Variants in USP37 observed in about 807,000 individuals in gnomAD.
USP37 encodes ubiquitin carboxyl-terminal hydrolase 37.
A neutral mutation model predicts 124.0 loss-of-function variants in USP37; 27 were observed. The observed-to-expected ratio is 0.22, with a 90% CI of 0.16 to 0.30. The LOEUF (loss-of-function observed/expected upper bound fraction) is 0.30, where lower values mean the gene tolerates loss of function less well. Among genes scored for constraint, USP37 ranks in the 10% least tolerant of loss-of-function variants. The pLI, the probability that USP37 is intolerant of heterozygous loss-of-function variation, is 1.00. For synonymous variants in USP37, 365 were observed against 388.0 expected, an observed-to-expected ratio of 0.94 and a Z score of 0.70; for missense variants, 889 against 1,140.4, an observed-to-expected ratio of 0.78 and a Z score of 3.17.
chr2:218,457,141 C>T lies in USP37; in HGVS notation c.2664G>A (p.Ser888=), dbSNP rs981867258. 1.9e-6 allele frequency: 3 copies of T among 1,613,764 alleles called. No homozygotes were observed. Among genetic ancestry groups the T allele is most frequent in the Admixed American group, 3.3e-5 (2 of 59,972 alleles). ...RNAETGNLPH[S]YRLISVVSHI... ...GACTGACAACACTGATGAGCCGGTA[C>T]GAATGAGGCAGATTTCCTGTCTGGA... The change falls in exon 24 of 26, where the codon TCG becomes TCA. Residue 888 remains serine, a synonymous_variant. Coordinates refer to ENST00000258399, the MANE Select transcript of USP37 (RefSeq NM_020935.3).
At position 218,488,437 on chromosome 2, in the gene USP37, G is replaced by A. The variant is rs755002900; in HGVS notation, c.1473-16C>T. ...CTCTCCACATCTGTAAGAATAAAAT[G>A]AGACATGTAAGCATTTAGACCAATA... is the stretch of plus-strand genomic sequence containing the variant. On this transcript the variant is annotated splice_polypyrimidine_tract_variant and intron_variant, in intron 14 of 25. Coordinates refer to ENST00000258399, the MANE Select transcript of USP37 (RefSeq NM_020935.3). 1.3e-6 allele frequency: 2 copies of A among 1,529,330 alleles called. No homozygotes were observed. The highest frequency in any genetic ancestry group is 2.4e-5 in the South Asian group (2 of 84,594). The allele number at this position is 1,529,330 out of a possible 1,614,324, so 94.7% of individuals were successfully genotyped here.
At chr2:218,527,323 T>G (rs1691035894) in intron 10 of USP37, among the ~76,000 whole-genome samples, 1 of 152,198 alleles carries the variant, frequency 6.6e-6, no homozygotes, top group Non-Finnish European at 1.5e-5. Flanking sequence ...CCCCAAGCAC[T>G]TATACACAAG....
intron 4 of USP37, among the ~76,000 whole-genome samples, chr2:218,557,967 A>AT (rs1373758327): frequency 2.7e-5 from 4 of 146,162 alleles, no homozygotes; most frequent in African/African-American, 9.9e-5. Flanking sequence ...AAGAAAATTA[A>AT]TTTTTGCAGT....
intron 10 of USP37, among the ~76,000 whole-genome samples, chr2:218,519,770 A>C (rs1036237757): frequency 1.3e-5 from 2 of 151,492 alleles, no homozygotes; most frequent in African/African-American, 2.4e-5. Flanking sequence ...TGCAGTGGCT[A>C]ATTTTTGTAT....
chr2:218,486,478 AGGG>A lies in USP37; in HGVS notation c.1591-738_1591-736del, dbSNP rs1258361019. ...TCACCCAGGCAACTGGGTGGGAGGGAGGGGCGTGATCTCAGCTCACTGCAACCT... is the reference window on the plus strand; with the variant it reads ...TCACCCAGGCAACTGGGTGGGAGGGAGCGTGATCTCAGCTCACTGCAACCT... On this transcript the variant is annotated intron_variant, in intron 15 of 25. Transcript: ENST00000258399. 3.9e-5 allele frequency: 6 copies of A among 152,228 alleles called. 1 individual carries two copies. In the South Asian group the frequency reaches 1.2e-3, roughly 32 times the overall value. 9.4% of individuals were successfully genotyped at this position (152,228 alleles called of 1,614,324 possible).
chr2:218,526,059 A>C (rs917482455), intron 10 of USP37, among the ~76,000 whole-genome samples: 8 of 152,164 alleles, frequency 5.3e-5, no homozygotes, highest in Non-Finnish European at 1.0e-4. Flanking sequence ...TACGGTGTAT[A>C]TGTATCACGT....
intron 13 of USP37, 76 bp from the exon 14 acceptor site, chr2:218,496,026 C>T: frequency 7.0e-7 from 1 of 1,429,560 alleles, no homozygotes; most frequent in South Asian, 1.4e-5. Flanking sequence ...GGGTGTTGTG[C>T]CTCATACCTG....
In USP37 at chr2:218,451,824, T is replaced by C. The variant is rs941772531; in HGVS notation, c.*3106A>G. The C allele has an allele frequency of 6.5e-6, 1 of 152,682 alleles. No homozygotes were observed. Among genetic ancestry groups the C allele is most frequent in the Non-Finnish European group, 1.5e-5 (1 of 68,040 alleles). The allele number at this position is 152,682 out of a possible 1,614,324, so 9.5% of individuals were successfully genotyped here. On this transcript the variant is annotated 3_prime_UTR_variant, in exon 26 of 26. Coordinates refer to ENST00000258399, the MANE Select transcript of USP37 (RefSeq NM_020935.3). Reference sequence around the variant, plus strand: ...ATATTTACATTTGTTGTATTTGTTATTGAGCCTTTAAGGTTAGGCCCAGAA... The same window carrying C: ...ATATTTACATTTGTTGTATTTGTTACTGAGCCTTTAAGGTTAGGCCCAGAA...
rs1691713058 is a variant in USP37 at position 218,488,415 on chromosome 2, T to A, written c.1479A>T (p.Gly493=). The A allele has an allele frequency of 1.9e-6, 3 of 1,588,638 alleles. No homozygotes were observed. The highest frequency in any genetic ancestry group is 1.8e-5 in the Admixed American group (1 of 55,158). ...VQHSIICKAC[G]EIIPKREQFN... The stretch of plus-strand genomic sequence containing the variant: ...ACTGTTCTCTTTTGGGGATAATCTC[T>A]CCACATCTGTAAGAATAAAATGAGA... The change falls in exon 15 of 26, where the codon GGA becomes GGT. Residue 493 remains glycine, a synonymous_variant. Coordinates refer to ENST00000258399, the MANE Select transcript of USP37 (RefSeq NM_020935.3).
intron 10 of USP37, among the ~76,000 whole-genome samples, chr2:218,524,666 G>A (rs150349065): frequency 1.6e-4 from 25 of 152,290 alleles, no homozygotes; most frequent in Admixed American, 9.1e-4. Context: ...ATGGAGTGCA[G>A]TGGCGCGTTT....
At chr2:218,496,612 C>G (rs1689094446) in intron 13 of USP37, among the ~76,000 whole-genome samples, 1 of 1,644 alleles carries the variant, frequency 6.1e-4, no homozygotes, top group South Asian at 0.02. Context: ...TTTGAAGAGT[C>G]ACATTTAATC....
At position 218,558,647 on chromosome 2, in the gene USP37, G is replaced by A. The variant is rs1175678792; in HGVS notation, c.7C>T (p.Pro3Ser). 10 of 1,594,060 alleles carry A rather than the reference G, an allele frequency of 6.3e-6. No individual in the cohort carries two copies. The highest frequency in any genetic ancestry group is 7.7e-6 in the Non-Finnish European group (9 of 1,171,848). ...CTGATAGGACCATGTATCTTCAGAGGAGACATATTTTCTTTAAAAATTGCT... is the reference window on the plus strand; with the variant it reads ...CTGATAGGACCATGTATCTTCAGAGAAGACATATTTTCTTTAAAAATTGCT... MS[P>S]LKIHGPIRIR... Residue 3 changes from proline to serine, a missense_variant, in exon 4 of 26, where the codon CCT (proline) becomes TCT (serine). Around this residue, in one of 3 missense-constraint regions of USP37, gnomAD observed 374 missense variants for 386.0 expected, o/e 0.97. Coordinates refer to ENST00000258399, the MANE Select transcript of USP37 (RefSeq NM_020935.3).
At chr2:218,525,432 C>T (rs1690902228) in intron 10 of USP37, among the ~76,000 whole-genome samples, 1 of 152,116 alleles carries the variant, frequency 6.6e-6, no homozygotes, top group Admixed American at 6.5e-5. Flanking sequence ...TGCAGTGAGC[C>T]ATGATTATGC....
chr2:218,454,944 G>C lies in USP37; in HGVS notation c.2926C>G (p.Arg976Gly). Residue 976 changes from arginine (R) to glycine (G), a missense_variant, in exon 26 of 26, where the codon CGT becomes GGT. Arg to Gly is a moderately radical substitution (Grantham distance 125). This residue lies in a region of USP37 where 504 missense variants were observed against 714.3 expected (regional missense o/e 0.71). Transcript: ENST00000258399. ...GAGTTTGTTCCTCACAAGGCCTGAC[G>C]GGTAGTCTTCCCCACTTCCGTGCTA... Reference protein sequence around the residue: ...SLSTEVGKTTRQAL With the variant: ...SLSTEVGKTTGQAL 6.2e-7 allele frequency: 1 copy of C among 1,614,044 alleles called. No homozygotes were observed. Among genetic ancestry groups the C allele is most frequent in the Non-Finnish European group, 8.5e-7 (1 of 1,180,010 alleles).
chr2:218,511,866 T>C (rs1690020337), intron 10 of USP37, among the ~76,000 whole-genome samples: 1 of 152,028 alleles, frequency 6.6e-6, no homozygotes. Flanking sequence ...AATCATCTTG[T>C]ACCATAAGAG....
At chr2:218,467,060 GAACATGTGTTT>G (rs1690367173) in intron 20 of USP37, among the ~76,000 whole-genome samples, 1 of 151,998 alleles carries the variant, frequency 6.6e-6, no homozygotes, top group Admixed American at 6.6e-5. Flanking sequence ...ACTGTATGTT[GAACATGTGTTT>G]AAACATTAAT....
chr2:218,454,640 G>T lies in USP37; in HGVS notation c.*290C>A, dbSNP rs896654105. 1.2e-5 allele frequency: 4 copies of T among 334,724 alleles called. No individual in the cohort carries two copies. The highest frequency in any genetic ancestry group is 2.2e-5 in the Non-Finnish European group (4 of 185,364). 20.7% of individuals were successfully genotyped at this position (334,724 alleles called of 1,614,324 possible). A position where few individuals can be genotyped will look rare whatever the true frequency, so the allele number is the denominator to read the frequency against. ...TGTGTGTGTGTGTGTGTCTGTGTGT[G>T]TGTATACACACATACACAGATATAT... On this transcript the variant is annotated 3_prime_UTR_variant, in exon 26 of 26. Coordinates refer to ENST00000258399, the MANE Select transcript of USP37 (RefSeq NM_020935.3).
In USP37 at chr2:218,451,985, G is replaced by T. The variant is rs768124017; in HGVS notation, c.*2945C>A. On this transcript the variant is annotated 3_prime_UTR_variant, in exon 26 of 26. Transcript: ENST00000258399. ...CACACACATGTGAATATATCCCTAC[G>T]AAACAGTCTATCTTCTCATAGGCTT... 1 of 152,498 alleles carries T rather than the reference G, an allele frequency of 6.6e-6. No homozygotes were observed. Among genetic ancestry groups the T allele is most frequent in the African/African-American group, 2.4e-5 (1 of 41,390 alleles). 9.4% of individuals were successfully genotyped at this position (152,498 alleles called of 1,614,324 possible).
At chr2:218,554,161 T>C (rs1483647188) in intron 4 of USP37, among the ~76,000 whole-genome samples, 1 of 152,336 alleles carries the variant, frequency 6.6e-6, no homozygotes, top group African/African-American at 2.4e-5. Flanking sequence ...TGTTAAACAT[T>C]AAGCAAAAGG....
Sources: gnomAD v4.1 joint callset for allele counts (sites outside exome capture counted in the v4.1 genomes callset) on GRCh38, gnomAD v4.1.1 for gene constraint, gnomAD v4.1.1 regional missense constraint, MANE v1.5 for transcripts, NCBI Gene and HGNC (gene_info 2026-07-23, HGNC 2026-07-21) for gene names.